The following DACH1 variants were observed in gnomAD, a reference collection of about 807,000 sequenced individuals.
DACH1 encodes dachshund family transcription factor 1, also known as dachshund homolog 1.
DACH1 carries 12 observed loss-of-function variants against 54.2 expected under a neutral mutation model. The ratio of observed to expected loss-of-function variants is 0.22; its 90% confidence interval spans 0.14 to 0.36. DACH1 has a LOEUF of 0.36. Among genes scored for constraint, DACH1 ranks in the 10% least tolerant of loss-of-function variants. The probability of loss-of-function intolerance (pLI) is 1.00; values close to 1 mark genes in which losing one functional copy is unlikely to be tolerated. For missense variants in DACH1, 805 were observed against 929.8 expected, an observed-to-expected ratio of 0.87 and a Z score of 1.75; for synonymous variants, 386 against 366.2, an observed-to-expected ratio of 1.05 and a Z score of -0.62.
intron 1 of DACH1, among the ~76,000 whole-genome samples, chr13:71,795,847 G>C (rs1887025245): frequency 6.6e-6 from 1 of 152,132 alleles, no homozygotes; most frequent in Non-Finnish European, 1.5e-5. Context: ...AAAAATGCAT[G>C]TACATAGCTT....
chr13:71,493,289 G>T (rs117280588), intron 6 of DACH1, among the ~76,000 whole-genome samples: 1 of 152,046 alleles, frequency 6.6e-6, no homozygotes, highest in African/African-American at 2.4e-5. Flanking sequence ...CTGTGGAGAC[G>T]TACATGCAAC....
At chr13:71,783,457 G>T (rs1424143931) in intron 1 of DACH1, among the ~76,000 whole-genome samples, 3 of 152,050 alleles carry the variant, frequency 2.0e-5, no homozygotes, top group Admixed American at 6.5e-5. Flanking sequence ...ACAGGCAGAG[G>T]TTCCAAAAAT....
intron 1 of DACH1, among the ~76,000 whole-genome samples, chr13:71,845,754 T>C (rs969467237): frequency 6.6e-6 from 1 of 152,338 alleles, no homozygotes; most frequent in Non-Finnish European, 1.5e-5. Context: ...TCCTTATGTA[T>C]TACTTTCTCC....
chr13:71,505,326 C>G (rs1033064600), intron 6 of DACH1, among the ~76,000 whole-genome samples: 2 of 152,122 alleles, frequency 1.3e-5, no homozygotes, highest in Admixed American at 6.6e-5. Context: ...CATGATCCAC[C>G]CACCTCGGCC....
intron 1 of DACH1, among the ~76,000 whole-genome samples, chr13:71,824,973 C>A (rs563570829): frequency 1.3e-5 from 2 of 151,830 alleles, no homozygotes; most frequent in South Asian, 2.1e-4. Flanking sequence ...CAAAGAATGA[C>A]CCAAATAATG....
Position 71,656,819 on chromosome 13 carries a change from CAGAT to C in DACH1, c.964+24972_964+24975del, listed in dbSNP as rs991159244. Among the ~76,000 whole-genome samples the C allele has an allele frequency of 4.4e-4, 64 of 146,536 alleles. 1 individual carries two copies. Among genetic ancestry groups the C allele is most frequent in the African/African-American group, 1.3e-3 (52 of 40,132 alleles). ...GACTTGAAAAGTATAGATAGATAGA[CAGAT>C]AGATAGACAGATAGATTGATAGACA... is the stretch of plus-strand genomic sequence containing the variant. On this transcript the variant is annotated intron_variant, in intron 2 of 10. Transcript: ENST00000613252.
chr13:71,469,935 A>G (rs1876921076), intron 10 of DACH1, among the ~76,000 whole-genome samples: 1 of 152,234 alleles, frequency 6.6e-6, no homozygotes, highest in African/African-American at 2.4e-5. Flanking sequence ...CATTGGATGT[A>G]AATAAAAGAG....
chr13:71,865,810 G>C, intron 1 of DACH1, 112 bp downstream of exon 1: 1 of 1,311,314 alleles, frequency 7.6e-7, no homozygotes, highest in Non-Finnish European at 9.7e-7. Flanking sequence ...CGCTCGCCGG[G>C]GCGCGCGGCT....
At chr13:71,859,636 ACCT>A (rs1874227092) in intron 1 of DACH1, among the ~76,000 whole-genome samples, 1 of 151,852 alleles carries the variant, frequency 6.6e-6, no homozygotes, top group African/African-American at 2.4e-5. Context: ...ATTCTCAGAA[ACCT>A]CCTTAAAATA....
intron 6 of DACH1, among the ~76,000 whole-genome samples, chr13:71,541,244 C>T (rs577599205): frequency 6.6e-6 from 1 of 152,116 alleles, no homozygotes; most frequent in South Asian, 2.1e-4. Context: ...AAGAGATTTA[C>T]TAACCAACAC....
chr13:71,482,254 G>C (rs1451886169), intron 7 of DACH1, among the ~76,000 whole-genome samples: 1 of 151,542 alleles, frequency 6.6e-6, no homozygotes, highest in East Asian at 1.9e-4. Context: ...AAAGGGTACT[G>C]TATCTAGCAA....
chr13:71,845,582 G>A (rs1873183979), intron 1 of DACH1, among the ~76,000 whole-genome samples: 1 of 151,940 alleles, frequency 6.6e-6, no homozygotes, highest in African/African-American at 2.4e-5. Flanking sequence ...TTAAAAACTG[G>A]AAAGAAACTT....
chr13:71,864,557 C>A (rs1471906826), intron 1 of DACH1, among the ~76,000 whole-genome samples: 1 of 152,144 alleles, frequency 6.6e-6, no homozygotes, highest in Admixed American at 6.5e-5. Flanking sequence ...GAAGTTTCTG[C>A]GCAAATTTTG....
In DACH1 at chr13:71,866,943, T is replaced by G; in HGVS notation, c.-174A>C. ...GGGGGAGAAAAGGAGGTGAAGGTAA[T>G]AAAGAGCGAGCGCAAGAGGGGCGAG... On this transcript the variant is annotated 5_prime_UTR_variant, in exon 1 of 11. Transcript: ENST00000613252. The G allele has an allele frequency of 1.3e-5, 6 of 470,608 alleles. No homozygotes were observed. Among genetic ancestry groups the G allele is most frequent in the Non-Finnish European group, 1.7e-5 (5 of 295,978 alleles). The allele number at this position is 470,608 out of a possible 1,614,324, so 29.2% of individuals were successfully genotyped here.
chr13:71,798,801 A>G (rs957949319), intron 1 of DACH1, among the ~76,000 whole-genome samples: 3 of 152,012 alleles, frequency 2.0e-5, no homozygotes, highest in South Asian at 2.1e-4. Flanking sequence ...GCCCTGAATC[A>G]TATGATCATT....
At chr13:71,842,245 A>G (rs1018742455) in intron 1 of DACH1, among the ~76,000 whole-genome samples, 2 of 152,228 alleles carry the variant, frequency 1.3e-5, no homozygotes, top group Non-Finnish European at 2.9e-5. Flanking sequence ...TGAACAAAAA[A>G]TAATACTGAT....
intron 10 of DACH1, among the ~76,000 whole-genome samples, chr13:71,457,527 G>GA (rs530651371): frequency 6.1e-5 from 9 of 148,698 alleles, no homozygotes; most frequent in African/African-American, 1.5e-4. Flanking sequence ...TAACTCCCAC[G>GA]AAAAAAAAAG....
rs1885345132 is a variant in DACH1, at chr13:71,573,471, A to G, written c.1127-459T>C. 3 of 716,322 alleles carry G rather than the reference A, an allele frequency of 4.2e-6. No homozygotes were observed. The East Asian group carries it at 8.1e-5, about 19-fold the overall frequency. The allele number at this position is 716,322 out of a possible 1,614,324, so 44.4% of individuals were successfully genotyped here. On this transcript the variant is annotated intron_variant, in intron 3 of 10. Coordinates refer to ENST00000613252, the MANE Select transcript of DACH1 (RefSeq NM_080759.6). ...ATGGTTGAGAGGATGACTAAGTGGAAGGCTACGTGCTCCAGGCATGCGGGG... is the reference window on the plus strand; with the variant it reads ...ATGGTTGAGAGGATGACTAAGTGGAGGGCTACGTGCTCCAGGCATGCGGGG...
At chr13:71,478,393 A>G (rs1436967180) in intron 8 of DACH1, among the ~76,000 whole-genome samples, 1 of 152,210 alleles carries the variant, frequency 6.6e-6, no homozygotes, top group Non-Finnish European at 1.5e-5. Context: ...TTTTTAAATG[A>G]CCATTTCAAA....
Sources: allele counts gnomAD v4.1 joint callset (sites outside exome capture counted in the v4.1 genomes callset), GRCh38; gene constraint gnomAD v4.1.1; transcripts MANE v1.5; gene names NCBI Gene and HGNC (gene_info 2026-07-23, HGNC 2026-07-21).